The following TENM4 variants were observed in gnomAD, a reference collection of about 807,000 sequenced individuals.
TENM4 encodes teneurin transmembrane protein 4, also known as teneurin-4.
A neutral mutation model predicts 243.3 loss-of-function variants in TENM4; 82 were observed. The observed-to-expected ratio is 0.34, with a 90% CI of 0.28 to 0.40. The LOEUF is 0.40. TENM4 is among the 10% of genes least tolerant of loss of function. The probability of loss-of-function intolerance (pLI) is 1.00; values close to 1 mark genes in which losing one functional copy is unlikely to be tolerated. For missense variants in TENM4, 3,138 were observed against 3,673.3 expected (o/e 0.85, Z 3.77); for synonymous variants, 1,412 against 1,456.3 (o/e 0.97, Z 0.69).
At chr11:79,155,221 G>T (rs1400176284) in intron 3 of TENM4, among the ~76,000 whole-genome samples, 1 of 152,170 alleles carries the variant, frequency 6.6e-6, no homozygotes, top group African/African-American at 2.4e-5. Context: ...GCCAATGGAG[G>T]TGGGGCACAC....
chr11:79,371,791 A>G (rs1337894236), intron 1 of TENM4, among the ~76,000 whole-genome samples: 1 of 152,196 alleles, frequency 6.6e-6, no homozygotes, highest in Non-Finnish European at 1.5e-5. Flanking sequence ...GAATGCACAT[A>G]GCAAATATGA....
chr11:79,003,232 G>A (rs931834101), intron 6 of TENM4, among the ~76,000 whole-genome samples: 1 of 152,166 alleles, frequency 6.6e-6, no homozygotes, highest in Non-Finnish European at 1.5e-5. Context: ...CATATTTGAG[G>A]ATATCACCCA....
At chr11:79,162,057 C>T (rs1370987808) in intron 3 of TENM4, among the ~76,000 whole-genome samples, 1 of 152,164 alleles carries the variant, frequency 6.6e-6, no homozygotes, top group East Asian at 1.9e-4. Flanking sequence ...TATGAAGTGG[C>T]CTATGGAAAG....
chr11:78,809,695 G>A (rs541052169), intron 14 of TENM4, among the ~76,000 whole-genome samples: 1 of 152,334 alleles, frequency 6.6e-6, no homozygotes, highest in South Asian at 2.1e-4. Flanking sequence ...AGGTGGGCTG[G>A]CCTTTGTCTG....
In TENM4 at chr11:79,006,192, TCCCTAATCAGTACCTCCCTTTCTACC is replaced by T. The variant is rs1565164053; in HGVS notation, c.493+58520_493+58545del. Among the ~76,000 whole-genome samples, 4 of 152,174 alleles carry T rather than the reference TCCCTAATCAGTACCTCCCTTTCTACC, an allele frequency of 2.6e-5. No homozygotes were observed. The South Asian group carries it at 6.2e-4, about 24-fold the overall frequency. On this transcript the variant is annotated intron_variant, in intron 6 of 33. Coordinates refer to ENST00000278550, the MANE Select transcript of TENM4 (RefSeq NM_001098816.3). ...TTTCCTCACCACTTCTCTTTTCCCC[TCCCTAATCAGTACCTCCCTTTCTACC>T]CCCTACTCAGTACCTCCCTTTCTAC...
At chr11:79,162,586 A>C (rs1270026518) in intron 3 of TENM4, among the ~76,000 whole-genome samples, 1 of 152,122 alleles carries the variant, frequency 6.6e-6, no homozygotes, top group Non-Finnish European at 1.5e-5. Flanking sequence ...CGGAATCCCA[A>C]AACTTATTTA....
intron 4 of TENM4, among the ~76,000 whole-genome samples, chr11:79,089,335 G>A (rs1328888359): frequency 2.0e-5 from 3 of 152,202 alleles, no homozygotes; most frequent in Admixed American, 6.5e-5. Context: ...TGGCCTGCTA[G>A]CTTCCTTCTC....
intron 6 of TENM4, among the ~76,000 whole-genome samples, chr11:78,932,319 A>G (rs1856687764): frequency 6.6e-6 from 1 of 152,164 alleles, no homozygotes; most frequent in Non-Finnish European, 1.5e-5. Flanking sequence ...CTAATTCCCC[A>G]TGACAGGAGT....
intron 26 of TENM4, among the ~76,000 whole-genome samples, chr11:78,708,911 A>C (rs1859325684): frequency 6.6e-6 from 1 of 151,492 alleles, no homozygotes; most frequent in African/African-American, 2.4e-5. Context: ...GAAGCTCTGT[A>C]ATTATAATAA....
At chr11:79,350,253 A>G (rs1234273205) in intron 1 of TENM4, among the ~76,000 whole-genome samples, 1 of 152,082 alleles carries the variant, frequency 6.6e-6, no homozygotes, top group African/African-American at 2.4e-5. Context: ...TTAATCAACA[A>G]TCACGAATTA....
intron 29 of TENM4, among the ~76,000 whole-genome samples, chr11:78,684,433 T>A (rs1858607064): frequency 6.6e-6 from 1 of 152,260 alleles, no homozygotes; most frequent in Admixed American, 6.5e-5. Context: ...ATGTTAGCTG[T>A]CACTGGTTTT....
intron 6 of TENM4, among the ~76,000 whole-genome samples, chr11:78,960,440 G>A (rs558069902): frequency 5.3e-5 from 8 of 152,120 alleles, no homozygotes; most frequent in African/African-American, 1.9e-4. Flanking sequence ...ATTTGGTGGG[G>A]GAACTCAAGC....
intron 15 of TENM4, among the ~76,000 whole-genome samples, chr11:78,789,071 G>A (rs974706455): frequency 2.6e-5 from 4 of 151,502 alleles, no homozygotes; most frequent in Admixed American, 6.6e-5. Flanking sequence ...CTAGGAACCC[G>A]AGGCTGGTCT....
chr11:79,439,329 G>C (rs1328644648), intron 1 of TENM4: 1 of 152,062 alleles, frequency 6.6e-6, no homozygotes, highest in Non-Finnish European at 1.5e-5. Flanking sequence ...CACGGTTAGG[G>C]GGTGGGAGGG....
In TENM4 at chr11:78,926,516, C is replaced by T. The variant is rs541689458; in HGVS notation, c.494-22993G>A. Among the ~76,000 whole-genome samples, 220 of 152,192 alleles carry T rather than the reference C, an allele frequency of 1.4e-3. 1 individual carries two copies. The highest frequency in any genetic ancestry group is 5.2e-3 in the African/African-American group (215 of 41,538). On this transcript the variant is annotated intron_variant, in intron 6 of 33. Transcript: ENST00000278550. ...TTCAAACTCCTGACCTCATGATCCG[C>T]CCGCCTCGGCCTCCCAAAGTGATGG...
At chr11:78,926,275 C>CTTT (rs34301647) in intron 6 of TENM4, among the ~76,000 whole-genome samples, 9 of 127,326 alleles carry the variant, frequency 7.1e-5, no homozygotes, top group South Asian at 2.5e-4. Flanking sequence ...AAAGAACTGA[C>CTTT]TTTTTTTTTT....
chr11:78,739,747 G>A (rs999270107), intron 19 of TENM4, among the ~76,000 whole-genome samples: 1 of 152,200 alleles, frequency 6.6e-6, no homozygotes, highest in African/African-American at 2.4e-5. Context: ...CCTCTCCCTT[G>A]GGGTGATTTT....
At chr11:78,688,281 A>G (rs1590939620) in intron 28 of TENM4, 55 bp from the exon 29 acceptor site, 1 of 1,556,378 alleles carries the variant, frequency 6.4e-7, no homozygotes, top group South Asian at 1.2e-5. Flanking sequence ...CTCTAGCTGG[A>G]ACTTGGTGCA....
At chr11:78,827,718 A>C (rs553495005) in intron 12 of TENM4, among the ~76,000 whole-genome samples, 3 of 152,034 alleles carry the variant, frequency 2.0e-5, no homozygotes, top group Admixed American at 6.5e-5. Flanking sequence ...CGAACTCCCA[A>C]CCTCAGGTGA....
Sources: allele counts gnomAD v4.1 joint callset (sites outside exome capture counted in the v4.1 genomes callset), GRCh38; gene constraint gnomAD v4.1.1; transcripts MANE v1.5; gene names NCBI Gene and HGNC (gene_info 2026-07-23, HGNC 2026-07-21).